ATXN7L3: variants seen among roughly 807,000 people sequenced by gnomAD.
The protein encoded by ATXN7L3 is ataxin-7-like protein 3.
A neutral mutation model predicts 50.0 loss-of-function variants in ATXN7L3; 6 were observed. The ratio of observed to expected loss-of-function variants is 0.12; its 90% CI spans 0.07 to 0.24. The LOEUF is 0.24. Among genes scored for constraint, ATXN7L3 ranks in the 10% least tolerant of loss-of-function variants. The pLI is 1.00. For missense variants in ATXN7L3, 322 were observed against 451.3 expected, an observed-to-expected ratio of 0.71 and a Z score of 2.60; for synonymous variants, 198 against 165.8, an observed-to-expected ratio of 1.19 and a Z score of -1.49.
At chr17:44,196,226 T>TCCCCCCCCCCCCCCCTCCCCC in intron 6 of ATXN7L3, 147 bp from the exon 7 acceptor site, 1 of 737,702 alleles carries the variant, frequency 1.4e-6, no homozygotes. Context: ...CCATGTGCCC[T>TCCCCCCCCCCCCCCCTCCCCC]CCCCCACCCC....
Position 44,196,035 on chromosome 17 carries a change from A to G in ATXN7L3, c.522T>C (p.Asn174=), listed in dbSNP as rs542186503. The G allele has an allele frequency of 1.1e-5, 17 of 1,609,662 alleles. No homozygotes were observed. In the South Asian group the frequency reaches 1.2e-4, roughly 11 times the overall value. The change falls in exon 7 of 13, where the codon AAT becomes AAC. Residue 174 remains asparagine (N), a splice_region_variant and synonymous_variant. Coordinates refer to ENST00000587097, the MANE Select transcript of ATXN7L3 (RefSeq NM_001382309.1). The part of the protein sequence containing the change: ...PRRSKSLKHK[N]GELSNSDPFK... ...TCCCATTGCTCCGGCTCCACTTACC[A>G]TTTTTGTGTTTTAATGACTTGGATC...
intron 12 of ATXN7L3, 44 bp from the exon 13 acceptor site, chr17:44,194,455 G>T: frequency 6.2e-7 from 1 of 1,613,368 alleles, no homozygotes; most frequent in Non-Finnish European, 8.5e-7. Flanking sequence ...GGTTATGGCA[G>T]GAGAGGTGGC....
chr17:44,198,155 T>C, intron 1 of ATXN7L3, 25 bp from the exon 2 acceptor site: 2 of 1,384,762 alleles, frequency 1.4e-6, no homozygotes, highest in Non-Finnish European at 2.0e-6. Context: ...GTGGGGGTGT[T>C]GTTGTGAGTC....
At chr17:44,197,485 T>G (rs1307467002) in intron 3 of ATXN7L3, 86 bp from the exon 4 acceptor site, 1 of 1,578,748 alleles carries the variant, frequency 6.3e-7, no homozygotes, top group Non-Finnish European at 8.6e-7. Context: ...CTTCAATCCC[T>G]CCCCCGGCTC....
intron 5 of ATXN7L3, 40 bp downstream of exon 5, chr17:44,196,889 C>T (rs756161668): frequency 1.4e-6 from 2 of 1,476,150 alleles, no homozygotes; most frequent in African/African-American, 2.8e-5. Flanking sequence ...CTTCCCACCT[C>T]ATCCCAATGC....
Position 44,192,015 on chromosome 17 carries a change from G to A in ATXN7L3, c.*2248C>T, listed in dbSNP as rs1471496819. 2.0e-5 allele frequency: 3 copies of A among 152,946 alleles called. No individual in the cohort carries two copies. The highest frequency in any genetic ancestry group is 4.4e-5 in the Non-Finnish European group (3 of 68,392). The allele number at this position is 152,946 out of a possible 1,614,324, so 9.5% of individuals were successfully genotyped here. The stretch of plus-strand genomic sequence containing the variant: ...GGGTGGCCCCTGGGCATGCGGGGGG[G>A]AGTGATGCATGGAAGGAAAAGCCAC... On this transcript the variant is annotated 3_prime_UTR_variant, in exon 13 of 13. Coordinates refer to ENST00000587097, the MANE Select transcript of ATXN7L3 (RefSeq NM_001382309.1).
Position 44,194,510 on chromosome 17 carries a change from C to T in ATXN7L3, c.895+7G>A, listed in dbSNP as rs750013030. 3 of 1,613,418 alleles carry T rather than the reference C, an allele frequency of 1.9e-6. No individual in the cohort carries two copies. Among genetic ancestry groups the T allele is most frequent in the African/African-American group, 1.3e-5 (1 of 74,914 alleles). ...CAGAGCCCCTAGGGCCCAACTGCAT[C>T]ACGTACCTAGACCCCATCCCTGATT... On this transcript the variant is annotated splice_region_variant and intron_variant, in intron 12 of 12. Coordinates refer to ENST00000587097, the MANE Select transcript of ATXN7L3 (RefSeq NM_001382309.1).
At position 44,196,417 on chromosome 17, in the gene ATXN7L3, G is replaced by A; in HGVS notation, c.456C>T (p.Ala152=). 3 of 1,613,904 alleles carry A rather than the reference G, an allele frequency of 1.9e-6. No homozygotes were observed. Among genetic ancestry groups the A allele is most frequent in the Non-Finnish European group, 2.5e-6 (3 of 1,179,974 alleles). Residue 152 remains alanine (A), a splice_region_variant and synonymous_variant, in exon 6 of 13, where the codon GCC becomes GCT. Coordinates refer to ENST00000587097, the MANE Select transcript of ATXN7L3 (RefSeq NM_001382309.1). ...TCACCTTGTCTGACTTTCTCTTCTTGGCTGTGGGAAACAAAAGCATAAAGA... is the reference window on the plus strand; with the variant it reads ...TCACCTTGTCTGACTTTCTCTTCTTAGCTGTGGGAAACAAAAGCATAAAGA... ...NDWSYGSEKK[A]KKRKSDKNPN... is the part of the protein sequence containing the mutation.
intron 3 of ATXN7L3, 72 bp from the exon 4 acceptor site, chr17:44,197,471 G>A: frequency 6.4e-7 from 1 of 1,573,194 alleles, no homozygotes; most frequent in Non-Finnish European, 8.6e-7. Context: ...GGGTCCCACG[G>A]CCTCTTCAAT....
chr17:44,192,080 CAGACACA>C lies in ATXN7L3; in HGVS notation c.*2176_*2182del, dbSNP rs1230826485. On this transcript the variant is annotated 3_prime_UTR_variant, in exon 13 of 13. Transcript: ENST00000587097. ...AGTACAGAACCCCCCCACACACACT[CAGACACA>C]GGATACAGGGTGGACGACACCTAGC... 6.6e-6 allele frequency: 1 copy of C among 152,552 alleles called. No homozygotes were observed. The highest frequency in any genetic ancestry group is 1.5e-5 in the Non-Finnish European group (1 of 68,078). 9.4% of individuals were successfully genotyped at this position (152,552 alleles called of 1,614,324 possible).
chr17:44,194,191 C>T lies in ATXN7L3; in HGVS notation c.*72G>A. Reference sequence around the variant, plus strand: ...CAACCCCCAGCAGCCGTCCATTTGCCAGGCTATGCCACCTGGGTGGGGGTC... The same window carrying T: ...CAACCCCCAGCAGCCGTCCATTTGCTAGGCTATGCCACCTGGGTGGGGGTC... On this transcript the variant is annotated 3_prime_UTR_variant, in exon 13 of 13. Coordinates refer to ENST00000587097, the MANE Select transcript of ATXN7L3 (RefSeq NM_001382309.1). 1 of 1,551,590 alleles carries T rather than the reference C, an allele frequency of 6.4e-7. No individual in the cohort carries two copies. Among genetic ancestry groups the T allele is most frequent in the Non-Finnish European group, 8.7e-7 (1 of 1,149,488 alleles).
At chr17:44,196,139 C>T (rs1408705119) in intron 6 of ATXN7L3, 60 bp from the exon 7 acceptor site, 6 of 1,546,588 alleles carry the variant, frequency 3.9e-6, no homozygotes, top group Non-Finnish European at 5.3e-6. Flanking sequence ...AGCCGAGAAC[C>T]CAGGGAAGGA....
Position 44,197,727 on chromosome 17 carries a change from T to C in ATXN7L3, c.55A>G (p.Ile19Val), listed in dbSNP as rs1370189127. ...SGLDNSKLEAIAQEIYADLVE... is the reference protein window; with the variant it reads ...SGLDNSKLEAVAQEIYADLVE... ...AGGTCCGCGTATATCTCCTGAGCGA[T>C]GGCCTGGGCCCCAGGGGAGAACATC... The change falls in exon 3 of 13, where the codon ATC becomes GTC. Residue 19 changes from isoleucine (I) to valine (V), a missense_variant. Physicochemically the swap from Ile to Val is conservative, Grantham distance 29. Coordinates refer to ENST00000587097, the MANE Select transcript of ATXN7L3 (RefSeq NM_001382309.1). The C allele has an allele frequency of 1.9e-6, 3 of 1,614,266 alleles. No homozygotes were observed. The highest frequency in any genetic ancestry group is 4.5e-5 in the East Asian group (2 of 44,892).
rs1402276841 is a variant in ATXN7L3 at position 44,199,632 on chromosome 17, CCGGGGGGT to C, written c.-205_-198del. On this transcript the variant is annotated 5_prime_UTR_variant, in exon 1 of 13. Transcript: ENST00000587097. ...TCTCCCCGGGGCCCAGGGCCCGGGG[CCGGGGGGT>C]CGGGCCGCCCCCCCGCCTGGCCGCC... 2 of 145,902 alleles carry C rather than the reference CCGGGGGGT, an allele frequency of 1.4e-5. No individual in the cohort carries two copies. The highest frequency in any genetic ancestry group is 1.5e-5 in the Non-Finnish European group (1 of 65,400). The allele number at this position is 145,902 out of a possible 1,614,324, so 9.0% of individuals were successfully genotyped here.
intron 2 of ATXN7L3, 108 bp downstream of exon 2, chr17:44,197,912 T>A: frequency 1.3e-6 from 2 of 1,521,832 alleles, no homozygotes; most frequent in Non-Finnish European, 1.8e-6. Context: ...CTATTCCCTT[T>A]AAGGAACAAG....
At chr17:44,194,478 T>A in intron 12 of ATXN7L3, 39 bp downstream of exon 12, 1 of 1,613,134 alleles carries the variant, frequency 6.2e-7, no homozygotes, top group Non-Finnish European at 8.5e-7. Flanking sequence ...CCCCATGGCT[T>A]TGGGCACAGA....
rs1278105677 is a variant in ATXN7L3 at position 44,199,852 on chromosome 17, A to G, written c.-417T>C. The G allele has an allele frequency of 1.4e-5, 2 of 145,344 alleles. No individual in the cohort carries two copies. Among genetic ancestry groups the G allele is most frequent in the African/African-American group, 5.1e-5 (2 of 39,180 alleles). The allele number at this position is 145,344 out of a possible 1,614,324, so 9.0% of individuals were successfully genotyped here. On this transcript the variant is annotated 5_prime_UTR_variant, in exon 1 of 13. Coordinates refer to ENST00000587097, the MANE Select transcript of ATXN7L3 (RefSeq NM_001382309.1). ...CCGGAGCGCGCGCGCGTGTGCCGCG[A>G]CCGGAGGATGGATGGATGGAGCGAG...
At chr17:44,196,558 T>C in intron 5 of ATXN7L3, 140 bp from the exon 6 acceptor site, 1 of 1,034,752 alleles carries the variant, frequency 9.7e-7, no homozygotes, top group Middle Eastern at 2.2e-4. Context: ...GGCGGGCAGA[T>C]CACGAGGTCA....
intron 3 of ATXN7L3, 62 bp from the exon 4 acceptor site, chr17:44,197,461 G>A: frequency 6.4e-7 from 1 of 1,571,054 alleles, no homozygotes; most frequent in Non-Finnish European, 8.6e-7. Flanking sequence ...TTCCCACCTG[G>A]GGTCCCACGG....
Sources: allele counts gnomAD v4.1 joint callset, GRCh38; gene constraint gnomAD v4.1.1; transcripts MANE v1.5; gene names NCBI Gene and HGNC (gene_info 2026-07-23, HGNC 2026-07-21).